Variants in FKTN observed in about 807,000 individuals in gnomAD.
FKTN encodes fukutin, also known as ribitol-5-phosphate transferase FKTN.
In FKTN, 47 loss-of-function variants were observed where a neutral mutation model predicts 58.6. That is an observed-to-expected ratio of 0.80 (90% CI 0.63 to 1.02). The LOEUF (loss-of-function observed/expected upper bound fraction) is 1.02, where lower values mean the gene tolerates loss of function less well. Among genes scored for constraint, FKTN ranks in the 50% least tolerant of loss-of-function variants. FKTN has a pLI of 0.00. For synonymous variants in FKTN, 178 were observed against 191.9 expected, an observed-to-expected ratio of 0.93 and a Z score of 0.60; for missense variants, 516 against 537.3, an observed-to-expected ratio of 0.96 and a Z score of 0.39.
chr9:105,580,052 A>G (rs1842574319), intron 3 of FKTN, among the ~76,000 whole-genome samples: 1 of 151,708 alleles, frequency 6.6e-6, no homozygotes. Context: ...TTTTGAGCCT[A>G]TGTGTGTCTC....
intron 3 of FKTN, among the ~76,000 whole-genome samples, chr9:105,582,390 CT>C (rs1181417683): frequency 1.3e-5 from 2 of 152,122 alleles, no homozygotes; most frequent in African/African-American, 4.8e-5. Context: ...GAGACGGGGT[CT>C]CGCTGTGTTG....
intron 3 of FKTN, among the ~76,000 whole-genome samples, chr9:105,594,744 T>A (rs1826437885): frequency 6.6e-6 from 1 of 152,158 alleles, no homozygotes; most frequent in Admixed American, 6.5e-5. Flanking sequence ...CCCTGTCTCA[T>A]TAATAATAGT....
At position 105,639,317 on chromosome 9, in the gene FKTN, T is replaced by C; in HGVS notation, c.*4053T>C. On this transcript the variant is annotated 3_prime_UTR_variant, in exon 11 of 11. Transcript: ENST00000357998. ...CTAACATCTCACTCAGGGAAGGCAA[T>C]GTGTTGCCATAAAAAGACCACAAGC... 4 of 979,302 alleles carry C rather than the reference T, an allele frequency of 4.1e-6. No homozygotes were observed. Among genetic ancestry groups the C allele is most frequent in the Non-Finnish European group, 4.9e-6 (4 of 824,406 alleles). The allele number at this position is 979,302 out of a possible 1,614,324, so 60.7% of individuals were successfully genotyped here. A position where few individuals can be genotyped will look rare whatever the true frequency, so the allele number is the denominator to read the frequency against.
At chr9:105,580,955 G>A (rs1470617358) in intron 3 of FKTN, among the ~76,000 whole-genome samples, 3 of 123,054 alleles carry the variant, frequency 2.4e-5, no homozygotes, top group East Asian at 2.2e-4. Context: ...CCAGTTGATC[G>A]CATCGGCTCC....
intron 9 of FKTN, 67 bp from the exon 10 acceptor site, chr9:105,619,867 T>TA (rs1427116631): frequency 1.4e-6 from 2 of 1,398,398 alleles, no homozygotes; most frequent in African/African-American, 1.4e-5. Flanking sequence ...TTTTATTTTT[T>TA]AAAAAAAGGT....
At chr9:105,569,048 C>A (rs995549323) in intron 1 of FKTN, among the ~76,000 whole-genome samples, 1 of 152,112 alleles carries the variant, frequency 6.6e-6, no homozygotes, top group African/African-American at 2.4e-5. Context: ...GACAGAAAAC[C>A]AAACATCGCA....
In FKTN at chr9:105,638,416, A is replaced by T; in HGVS notation, c.*3152A>T. The T allele has an allele frequency of 2.0e-6, 2 of 985,440 alleles. No homozygotes were observed. The highest frequency in any genetic ancestry group is 1.2e-4 in the Admixed American group (2 of 16,286). The allele number at this position is 985,440 out of a possible 1,614,324, so 61.0% of individuals were successfully genotyped here. On this transcript the variant is annotated 3_prime_UTR_variant, in exon 11 of 11. Transcript: ENST00000357998. ...TTTATCTGGAAAATGCCTTCTCTCC[A>T]GACAATAAGACAGTTCACATCTGGA... is the stretch of plus-strand genomic sequence containing the variant.
intron 1 of FKTN, among the ~76,000 whole-genome samples, chr9:105,564,816 C>T (rs1165502460): frequency 1.3e-5 from 2 of 152,058 alleles, no homozygotes; most frequent in Non-Finnish European, 1.5e-5. Context: ...AGATACTCCT[C>T]GAGAAGAGCA....
intron 3 of FKTN, 55 bp downstream of exon 3, chr9:105,575,192 C>A: frequency 1.0e-6 from 1 of 991,008 alleles, no homozygotes; most frequent in Non-Finnish European, 1.6e-6. Context: ...TGTATATTTT[C>A]TGATCACACT....
chr9:105,629,581 G>C lies in FKTN; in HGVS notation c.1173-5470G>C, dbSNP rs77751318. Among the ~76,000 whole-genome samples the C allele has an allele frequency of 8.3e-3, 1,263 of 152,262 alleles. 20 individuals are homozygous for C. Among genetic ancestry groups the C allele is most frequent in the African/African-American group, 0.029 (1,206 of 41,548 alleles). On this transcript the variant is annotated intron_variant, in intron 10 of 10. Coordinates refer to ENST00000357998, the MANE Select transcript of FKTN (RefSeq NM_001079802.2). ...TAGATCTAGTTCTGGGAAGTTATGTGGTTATGTAGAGCTATAGAGTTTTTG... is the reference window on the plus strand; with the variant it reads ...TAGATCTAGTTCTGGGAAGTTATGTCGTTATGTAGAGCTATAGAGTTTTTG...
rs145045445 is a variant in FKTN, at chr9:105,590,093, G to A, written c.106-6505G>A. Among the ~76,000 whole-genome samples, 35 of 152,238 alleles carry A rather than the reference G, an allele frequency of 2.3e-4. No individual in the cohort carries two copies. In the East Asian group the frequency reaches 6.4e-3, roughly 28 times the overall value. On this transcript the variant is annotated intron_variant, in intron 3 of 10. Coordinates refer to ENST00000357998, the MANE Select transcript of FKTN (RefSeq NM_001079802.2). ...CTGGCCACTTTGATGAGAATAGATT[G>A]GCTGTGTTGCCACCCAAATCTCATC...
rs80337000 is a variant in FKTN at position 105,593,470 on chromosome 9, A to G, written c.106-3128A>G. On this transcript the variant is annotated intron_variant, in intron 3 of 10. Transcript: ENST00000357998. ...AGGTGCCTATTTGACATTCAAATGA[A>G]GAAGGTGAATAGACAATTGGCTATA... 7.9e-3 allele frequency among the ~76,000 whole-genome samples: 1,198 copies of G among 152,322 alleles called. 18 individuals carry two copies. Among genetic ancestry groups the G allele is most frequent in the African/African-American group, 0.027 (1,117 of 41,564 alleles).
intron 10 of FKTN, among the ~76,000 whole-genome samples, chr9:105,626,131 AT>A (rs1832707495): frequency 2.0e-5 from 3 of 152,182 alleles, no homozygotes; most frequent in Admixed American, 1.3e-4. Context: ...ACTAACCCAA[AT>A]AGTAGTTGGA....
chr9:105,601,424 T>A, intron 5 of FKTN, 76 bp downstream of exon 5: 1 of 1,050,124 alleles, frequency 9.5e-7, no homozygotes, highest in Non-Finnish European at 1.4e-6. Context: ...GTTTAAAATG[T>A]AAAACATTAA....
chr9:105,558,392 A>C (rs1167391284), intron 1 of FKTN, among the ~76,000 whole-genome samples: 1 of 152,028 alleles, frequency 6.6e-6, no homozygotes, highest in Admixed American at 6.6e-5. Flanking sequence ...TCCTTCCCGC[A>C]CTTCTGGGCG....
At chr9:105,629,864 TA>T (rs1164850106) in intron 10 of FKTN, among the ~76,000 whole-genome samples, 6 of 152,092 alleles carry the variant, frequency 3.9e-5, no homozygotes, top group African/African-American at 1.5e-4. Flanking sequence ...TATGCAGCCA[TA>T]AAAAAGGACA....
chr9:105,561,457 G>GA (rs1436419306), intron 1 of FKTN, among the ~76,000 whole-genome samples: 2 of 151,432 alleles, frequency 1.3e-5, no homozygotes, highest in Admixed American at 1.3e-4. Context: ...GATAAATAAG[G>GA]AAAAAAAATA....
At chr9:105,609,092 A>T (rs1448605485) in intron 7 of FKTN, among the ~76,000 whole-genome samples, 2 of 152,120 alleles carry the variant, frequency 1.3e-5, no homozygotes, top group African/African-American at 4.8e-5. Flanking sequence ...GTGTTCTTTT[A>T]TTTACCTGTG....
In FKTN at chr9:105,637,209, ACT is replaced by A; in HGVS notation, c.*1947_*1948del. Reference sequence around the variant, plus strand: ...GTGCTCAGTATTTAGAAATGCATACACTCCACATTTCTCCCCATTTCCAATTG... The same window carrying A: ...GTGCTCAGTATTTAGAAATGCATACACCACATTTCTCCCCATTTCCAATTG... On this transcript the variant is annotated 3_prime_UTR_variant, in exon 11 of 11. Transcript: ENST00000357998. 1.0e-6 allele frequency: 1 copy of A among 983,252 alleles called. No individual in the cohort carries two copies. Among genetic ancestry groups the A allele is most frequent in the Non-Finnish European group, 1.2e-6 (1 of 827,952 alleles). The allele number at this position is 983,252 out of a possible 1,614,324, so 60.9% of individuals were successfully genotyped here.
Sources: allele counts gnomAD v4.1 joint callset (sites outside exome capture counted in the v4.1 genomes callset), GRCh38; gene constraint gnomAD v4.1.1; transcripts MANE v1.5; gene names NCBI Gene and HGNC (gene_info 2026-07-23, HGNC 2026-07-21).